Variants in DAB1 observed in about 807,000 individuals in gnomAD.
DAB1 encodes the protein DAB adaptor protein 1, also known as disabled homolog 1.
In DAB1, 15 loss-of-function variants were observed where a neutral mutation model predicts 64.6. The observed-to-expected ratio is 0.23, with a 90% CI of 0.16 to 0.36. DAB1 has a LOEUF of 0.36. DAB1 is among the 10% of genes least tolerant of loss of function. The pLI is 1.00. For missense variants in DAB1, 596 were observed against 706.7 expected (o/e 0.84, Z 1.78); for synonymous variants, 235 against 251.9 (o/e 0.93, Z 0.64).
At chr1:58,106,863 CTCCTTCCTCCT>C (rs1272923668) in intron 5 of DAB1, among the ~76,000 whole-genome samples, 1 of 140,066 alleles carries the variant, frequency 7.1e-6, no homozygotes, top group Admixed American at 7.3e-5. Context: ...CCCTCCCTCC[CTCCTTCCTCCT>C]TCCCTTTCTC....
At chr1:58,353,665 T>C (rs560398758) in intron 3 of DAB1, among the ~76,000 whole-genome samples, 4 of 152,258 alleles carry the variant, frequency 2.6e-5, no homozygotes, top group East Asian at 3.9e-4. Flanking sequence ...TTGAGCAGAA[T>C]AGAATGAAAA....
chr1:58,488,114 T>G (rs1486998415), intron 3 of DAB1, among the ~76,000 whole-genome samples: 1 of 152,194 alleles, frequency 6.6e-6, no homozygotes, highest in East Asian at 1.9e-4. Flanking sequence ...AAGTTTTCTT[T>G]AAATACAGAT....
At chr1:58,086,973 A>G (rs1570334596) in intron 5 of DAB1, among the ~76,000 whole-genome samples, 1 of 152,282 alleles carries the variant, frequency 6.6e-6, no homozygotes, top group South Asian at 2.1e-4. Context: ...GAATAACGGC[A>G]AGCTAGAGTG....
At chr1:57,898,992 T>G (rs1366565083) in intron 5 of DAB1, among the ~76,000 whole-genome samples, 1 of 151,896 alleles carries the variant, frequency 6.6e-6, no homozygotes, top group East Asian at 1.9e-4. Context: ...GATCGGTTTG[T>G]TCCAGAGACT....
intron 4 of DAB1, among the ~76,000 whole-genome samples, chr1:57,100,798 G>A (rs1311205547): frequency 5.3e-5 from 8 of 152,070 alleles, no homozygotes; most frequent in Admixed American, 5.2e-4. Context: ...AAGCACGCAT[G>A]AGTAGGCACA....
chr1:58,384,260 A>T (rs537483435), intron 3 of DAB1, among the ~76,000 whole-genome samples: 1 of 152,314 alleles, frequency 6.6e-6, no homozygotes, highest in African/African-American at 2.4e-5. Flanking sequence ...TGGAAAAAAA[A>T]ATATGCTAAG....
chr1:58,364,585 C>G (rs565084591), intron 3 of DAB1, among the ~76,000 whole-genome samples: 2 of 152,318 alleles, frequency 1.3e-5, no homozygotes, highest in Admixed American at 1.3e-4. Flanking sequence ...CATATTTGAA[C>G]TTAGTCACAG....
chr1:57,399,325 A>G lies in DAB1; in HGVS notation c.-137+24605T>C, dbSNP rs1683057725. Among the ~76,000 whole-genome samples the G allele has an allele frequency of 3.9e-5, 6 of 152,336 alleles. No individual in the cohort carries two copies. The South Asian group carries it at 1.2e-3, about 32-fold the overall frequency. ...CATATAGCAGGTGCTTAATATTAAT[A>G]AATACTGAATAAGACCATAACATGA... On this transcript the variant is annotated intron_variant, in intron 1 of 14. Transcript: ENST00000371236.
intron 4 of DAB1, among the ~76,000 whole-genome samples, chr1:58,221,520 A>T (rs532931091): frequency 6.6e-6 from 1 of 152,196 alleles, no homozygotes; most frequent in Non-Finnish European, 1.5e-5. Flanking sequence ...GGCAGAAAAC[A>T]TCCCCAGCAC....
At chr1:58,504,735 T>C (rs1467809457) in intron 3 of DAB1, among the ~76,000 whole-genome samples, 1 of 152,208 alleles carries the variant, frequency 6.6e-6, no homozygotes, top group East Asian at 1.9e-4. Flanking sequence ...TATCCCAAAC[T>C]AGAAGCAGAT....
chr1:57,998,067 A>C (rs1646453167), intron 5 of DAB1, among the ~76,000 whole-genome samples: 1 of 152,172 alleles, frequency 6.6e-6, no homozygotes, highest in South Asian at 2.1e-4. Context: ...ACTCCTCAGA[A>C]AGCTCTTGTC....
intron 4 of DAB1, among the ~76,000 whole-genome samples, chr1:57,109,355 T>C (rs1655450043): frequency 6.6e-6 from 1 of 152,196 alleles, no homozygotes; most frequent in Non-Finnish European, 1.5e-5. Flanking sequence ...AGTTTATTCA[T>C]GCTTGTTAAG....
At chr1:58,234,694 G>A (rs765213379) in intron 4 of DAB1, among the ~76,000 whole-genome samples, 3 of 152,190 alleles carry the variant, frequency 2.0e-5, no homozygotes, top group Non-Finnish European at 4.4e-5. Context: ...AGAAGTGAAC[G>A]AGAGCAGGGC....
chr1:58,054,016 A>C (rs1366760207), intron 5 of DAB1, among the ~76,000 whole-genome samples: 1 of 152,250 alleles, frequency 6.6e-6, no homozygotes, highest in African/African-American at 2.4e-5. Flanking sequence ...GAAGTTAGAA[A>C]GGAAGAATAA....
At chr1:58,530,727 T>A in intron 1 of DAB1, 1 of 872,078 alleles carries the variant, frequency 1.1e-6, no homozygotes, top group Non-Finnish European at 2.0e-6. Context: ...CAGCCTTTTC[T>A]GCCTAAGAAT....
At chr1:57,567,161 A>G (rs1410213488) in intron 7 of DAB1, among the ~76,000 whole-genome samples, 3 of 152,230 alleles carry the variant, frequency 2.0e-5, no homozygotes, top group African/African-American at 4.8e-5. Context: ...TATAAACAGA[A>G]CCAAAGACAA....
intron 7 of DAB1, among the ~76,000 whole-genome samples, chr1:57,640,606 C>T (rs1023882630): frequency 6.6e-6 from 1 of 152,096 alleles, no homozygotes; most frequent in African/African-American, 2.4e-5. Flanking sequence ...GAGCCTATTC[C>T]CTTGTTCTAA....
chr1:57,145,989 G>A (rs534461955), intron 2 of DAB1, among the ~76,000 whole-genome samples: 1 of 152,296 alleles, frequency 6.6e-6, no homozygotes, highest in East Asian at 1.9e-4. Context: ...GGTAAGTCAT[G>A]TGTGCAGGAA....
intron 7 of DAB1, among the ~76,000 whole-genome samples, chr1:57,521,199 C>A (rs1355953121): frequency 1.3e-5 from 2 of 152,186 alleles, no homozygotes; most frequent in Non-Finnish European, 2.9e-5. Context: ...GCTGCCATAT[C>A]CTCTGGATTT....
Sources: allele counts gnomAD v4.1 joint callset (sites outside exome capture counted in the v4.1 genomes callset), GRCh38; gene constraint gnomAD v4.1.1; transcripts MANE v1.5; gene names NCBI Gene and HGNC (gene_info 2026-07-23, HGNC 2026-07-21).